Variants in IFT88 observed in about 807,000 individuals in gnomAD.
IFT88 encodes the protein intraflagellar transport protein 88 homolog.
IFT88 carries 74 observed loss-of-function variants against 119.5 expected under a neutral mutation model. The ratio of observed to expected loss-of-function variants is 0.62; its 90% CI spans 0.51 to 0.75. The LOEUF is 0.75. Ranked by LOEUF, IFT88 falls within the 30% of genes least tolerant of loss-of-function variation. The pLI is 0.00. For missense variants in IFT88, 961 were observed against 977.7 expected (o/e 0.98, Z 0.23); for synonymous variants, 279 against 316.7 (o/e 0.88, Z 1.26).
At chr13:20,596,310 G>A (rs1164630037) in intron 8 of IFT88, 70 bp downstream of exon 8, 18 of 569,488 alleles carry the variant, frequency 3.2e-5, no homozygotes, top group Admixed American at 1.1e-4. Flanking sequence ...TACATACACC[G>A]TATGTATAGA....
intron 20 of IFT88, among the ~76,000 whole-genome samples, chr13:20,652,152 C>T (rs1489265231): frequency 6.6e-6 from 1 of 151,990 alleles, no homozygotes; most frequent in African/African-American, 2.4e-5. Context: ...GTGATGGTTG[C>T]ACAACATTGT....
chr13:20,675,080 G>A (rs988916175), intron 24 of IFT88, among the ~76,000 whole-genome samples: 2 of 151,960 alleles, frequency 1.3e-5, no homozygotes, highest in Admixed American at 6.6e-5. Flanking sequence ...AGTTTTGCTG[G>A]GGCCTGATGG....
At position 20,656,393 on chromosome 13, in the gene IFT88, C is replaced by A; in HGVS notation, c.2031C>A (p.Tyr677Ter). 6.6e-7 allele frequency: 1 copy of A among 1,517,366 alleles called. No individual in the cohort carries two copies. The highest frequency in any genetic ancestry group is 9.0e-7 in the Non-Finnish European group (1 of 1,110,738). The allele number at this position is 1,517,366 out of a possible 1,614,324, so 94.0% of individuals were successfully genotyped here. Reference sequence around the variant, plus strand: ...ACTACCAAAAAGCATTAGATACTTACAAAGATACTCACAGAAAATTTCCAG... The same window carrying A: ...ACTACCAAAAAGCATTAGATACTTAAAAAGATACTCACAGAAAATTTCCAG... ...SGNYQKALDT[Y>*]KDTHRKFPEN... Residue 677 changes from tyrosine (Y) to a stop codon, truncating the protein, a stop_gained, in exon 22 of 26, where the codon TAC (tyrosine) becomes TAA (stop). Coordinates refer to ENST00000351808, the MANE Select transcript of IFT88 (RefSeq NM_006531.5). LOFTEE classifies it high-confidence loss of function.
intron 2 of IFT88, among the ~76,000 whole-genome samples, chr13:20,582,518 T>C (rs2038895865): frequency 6.6e-6 from 1 of 151,988 alleles, no homozygotes; most frequent in South Asian, 2.1e-4. Flanking sequence ...TGCCCCCTGC[T>C]TGTAGAAAAT....
chr13:20,672,375 A>G (rs1026291411), intron 24 of IFT88, among the ~76,000 whole-genome samples: 1 of 152,140 alleles, frequency 6.6e-6, no homozygotes, highest in Non-Finnish European at 1.5e-5. Flanking sequence ...TAAAAGCAGC[A>G]TTGAGCCCAA....
intron 3 of IFT88, among the ~76,000 whole-genome samples, 164 bp downstream of exon 3, chr13:20,583,183 A>G (rs554577212): frequency 3.7e-4 from 57 of 152,266 alleles, no homozygotes; most frequent in African/African-American, 1.3e-3. Flanking sequence ...CATCTTGTAT[A>G]TATGAAAGTC....
chr13:20,613,358 A>G (rs955571234), intron 13 of IFT88, among the ~76,000 whole-genome samples: 3 of 152,198 alleles, frequency 2.0e-5, no homozygotes, highest in Non-Finnish European at 4.4e-5. Flanking sequence ...AGTAATTGCT[A>G]GGGAAATGCA....
intron 3 of IFT88, among the ~76,000 whole-genome samples, chr13:20,585,476 T>G (rs2039493625): frequency 6.6e-6 from 1 of 152,210 alleles, no homozygotes; most frequent in African/African-American, 2.4e-5. Flanking sequence ...AGTGTGACAG[T>G]ACTTGAAGAG....
chr13:20,597,671 G>A (rs920799689), intron 9 of IFT88, among the ~76,000 whole-genome samples: 1 of 151,454 alleles, frequency 6.6e-6, no homozygotes, highest in African/African-American at 2.4e-5. Flanking sequence ...GTGAACCCGG[G>A]AGGCGGAGCT....
intron 15 of IFT88, among the ~76,000 whole-genome samples, chr13:20,628,650 G>A (rs1473167461): frequency 6.6e-6 from 1 of 152,128 alleles, no homozygotes; most frequent in Non-Finnish European, 1.5e-5. Flanking sequence ...AAAAATACCC[G>A]AGTGTTCCTT....
At chr13:20,667,609 AT>A (rs11334503) in intron 23 of IFT88, among the ~76,000 whole-genome samples, 138,607 of 141,934 alleles carry the variant, frequency 0.98, 67,683 homozygotes, top group East Asian at 0.99. Flanking sequence ...TCTTTTTTGT[AT>A]TTTTTTTTTT....
intron 24 of IFT88, among the ~76,000 whole-genome samples, chr13:20,679,088 T>A (rs1165628574): frequency 6.6e-6 from 1 of 152,200 alleles, no homozygotes; most frequent in African/African-American, 2.4e-5. Context: ...ACCCTTTAAA[T>A]GTCTCCTAAC....
chr13:20,625,762 G>A lies in IFT88; in HGVS notation c.1212G>A (p.Val404=). The A allele has an allele frequency of 6.2e-7, 1 of 1,601,086 alleles. No homozygotes were observed. The highest frequency in any genetic ancestry group is 8.5e-7 in the Non-Finnish European group (1 of 1,174,942). ...CTTTCCCTTATAGGTGCGTGGAAGTGGTGAAAGCTTCTCAATATGTAGAGC... is the reference window on the plus strand; with the variant it reads ...CTTTCCCTTATAGGTGCGTGGAAGTAGTGAAAGCTTCTCAATATGTAGAGC... ...FAAGYDWCVE[V]VKASQYVELA... is the part of the protein sequence containing the mutation. The change falls in exon 15 of 26, where the codon GTG becomes GTA. Residue 404 remains valine (V), a synonymous_variant. Coordinates refer to ENST00000351808, the MANE Select transcript of IFT88 (RefSeq NM_006531.5).
intron 13 of IFT88, chr13:20,607,766 C>A (rs1462554154): frequency 1.3e-6 from 1 of 747,780 alleles, no homozygotes; most frequent in Non-Finnish European, 2.5e-6. Flanking sequence ...AATGTCATTG[C>A]CTTCAGCATC....
In IFT88 at chr13:20,673,357, C is replaced by T. The variant is rs76359380; in HGVS notation, c.2242+2318C>T. ...CTCCTAATGGGATGTGATAGAACACCCGAAAAACTGCTGAATGGTGTGGTG... is the reference window on the plus strand; with the variant it reads ...CTCCTAATGGGATGTGATAGAACACTCGAAAAACTGCTGAATGGTGTGGTG... On this transcript the variant is annotated intron_variant, in intron 24 of 25. Transcript: ENST00000351808. 3.1e-3 allele frequency among the ~76,000 whole-genome samples: 466 copies of T among 152,262 alleles called. 1 individual carries two copies. Among genetic ancestry groups the T allele is most frequent in the African/African-American group, 0.011 (450 of 41,554 alleles).
intron 7 of IFT88, among the ~76,000 whole-genome samples, chr13:20,595,820 G>T (rs1054350361): frequency 7.4e-4 from 112 of 152,056 alleles, no homozygotes; most frequent in Non-Finnish European, 1.0e-3. Flanking sequence ...AGGGAGGATC[G>T]CTTGAGGCCT....
At chr13:20,637,913 G>A (rs553116487) in intron 16 of IFT88, among the ~76,000 whole-genome samples, 3 of 152,208 alleles carry the variant, frequency 2.0e-5, no homozygotes, top group South Asian at 2.1e-4. Context: ...GCATGGAGAC[G>A]GAAAAAAACA....
At chr13:20,682,276 T>G (rs1290166501) in intron 24 of IFT88, among the ~76,000 whole-genome samples, 1 of 152,230 alleles carries the variant, frequency 6.6e-6, no homozygotes, top group African/African-American at 2.4e-5. Flanking sequence ...AGTAGGTGAA[T>G]GCTGTGTCGG....
intron 3 of IFT88, among the ~76,000 whole-genome samples, chr13:20,586,488 ATAAAT>A (rs1329801567): frequency 1.3e-5 from 2 of 152,164 alleles, no homozygotes; most frequent in African/African-American, 4.8e-5. Flanking sequence ...TGCTTAGAAG[ATAAAT>A]TAAGAGTTGA....
Sources: allele counts gnomAD v4.1 joint callset (sites outside exome capture counted in the v4.1 genomes callset), GRCh38; gene constraint gnomAD v4.1.1; transcripts MANE v1.5; gene names NCBI Gene and HGNC (gene_info 2026-07-23, HGNC 2026-07-21).